FXR1: variants seen among roughly 807,000 people sequenced by gnomAD.
The protein encoded by FXR1 is FMR1 autosomal homolog 1.
A neutral mutation model predicts 84.0 loss-of-function variants in FXR1; 15 were observed. That is an observed-to-expected ratio of 0.18 (90% CI 0.12 to 0.27). The LOEUF is 0.27. FXR1 is among the 10% of genes least tolerant of loss of function. FXR1 has a pLI of 1.00. For missense variants in FXR1, 480 were observed against 774.4 expected (o/e 0.62, Z 4.51); for synonymous variants, 245 against 250.7 (o/e 0.98, Z 0.21).
rs1197200401 is a variant in FXR1 at position 180,978,916 on chromosome 3, A to G, written c.*2624A>G. On this transcript the variant is annotated 3_prime_UTR_variant, in exon 17 of 17. Coordinates refer to ENST00000357559, the MANE Select transcript of FXR1 (RefSeq NM_005087.4). ...TTGTTAAGCCTTAAAGGGGGCTACA[A>G]CTTGTGCAAAATGGTGTCTCTGGTA... 6.6e-6 allele frequency: 1 copy of G among 152,114 alleles called. No homozygotes were observed. The highest frequency in any genetic ancestry group is 2.4e-5 in the African/African-American group (1 of 41,436). The allele number at this position is 152,114 out of a possible 1,614,324, so 9.4% of individuals were successfully genotyped here.
At chr3:180,955,766 AG>A (rs1343260371) in intron 9 of FXR1, among the ~76,000 whole-genome samples, 1 of 152,216 alleles carries the variant, frequency 6.6e-6, no homozygotes, top group African/African-American at 2.4e-5. Flanking sequence ...GAGTTGTGGT[AG>A]GTGTTGTGAG....
chr3:180,942,008 T>C (rs1721177378), intron 3 of FXR1, among the ~76,000 whole-genome samples: 1 of 152,056 alleles, frequency 6.6e-6, no homozygotes, highest in Admixed American at 6.6e-5. Flanking sequence ...TTTGGAAAAA[T>C]GGAAATATAG....
At chr3:180,920,517 C>CTTTTTT (rs11359852) in intron 1 of FXR1, among the ~76,000 whole-genome samples, 2 of 127,378 alleles carry the variant, frequency 1.6e-5, no homozygotes. Flanking sequence ...TAGTTTTGTT[C>CTTTTTT]TTTTTTTTTT....
At position 180,971,364 on chromosome 3, in the gene FXR1, T is replaced by A. The variant is rs549197496; in HGVS notation, c.1603+1006T>A. On this transcript the variant is annotated intron_variant, in intron 15 of 16. Transcript: ENST00000357559. ...ACAGTGTGTTAGTAACTTGTCTAAT[T>A]GAACTAATGTTGTGTCCTAATTGTT... is the stretch of plus-strand genomic sequence containing the variant. The A allele has an allele frequency of 2.4e-5, 4 of 166,214 alleles. No individual in the cohort carries two copies. The South Asian group carries it at 5.3e-4, about 22-fold the overall frequency. The allele number at this position is 166,214 out of a possible 1,614,324, so 10.3% of individuals were successfully genotyped here. A position where few individuals can be genotyped will look rare whatever the true frequency, so the allele number is the denominator to read the frequency against.
intron 3 of FXR1, among the ~76,000 whole-genome samples, chr3:180,945,670 A>G (rs927878345): frequency 6.6e-6 from 1 of 152,186 alleles, no homozygotes; most frequent in African/African-American, 2.4e-5. Context: ...TTGGCTCCCC[A>G]AAGTTTTGGG....
At chr3:180,962,805 G>A (rs138634925) in intron 11 of FXR1, 78 bp from the exon 12 acceptor site, 3 of 929,426 alleles carry the variant, frequency 3.2e-6, no homozygotes, top group African/African-American at 1.6e-5. Flanking sequence ...TTGATAGGGA[G>A]TACAGCTTTA....
At chr3:180,915,244 G>A (rs982557922) in intron 1 of FXR1, among the ~76,000 whole-genome samples, 1 of 151,914 alleles carries the variant, frequency 6.6e-6, no homozygotes, top group Non-Finnish European at 1.5e-5. Context: ...CTTGATAAAT[G>A]CTGACAATTA....
At chr3:180,922,351 C>T (rs1053029539) in intron 1 of FXR1, among the ~76,000 whole-genome samples, 1 of 152,028 alleles carries the variant, frequency 6.6e-6, no homozygotes, top group African/African-American at 2.4e-5. Context: ...TAATTTTTGC[C>T]AGTCTGTTGG....
intron 9 of FXR1, 176 bp downstream of exon 9, chr3:180,954,016 T>C (rs1347215764): frequency 3.2e-5 from 17 of 538,502 alleles, no homozygotes; most frequent in Non-Finnish European, 3.9e-5. Context: ...TAACTTGTTA[T>C]TGTCATATGT....
At chr3:180,953,519 T>C (rs1362858625) in intron 8 of FXR1, among the ~76,000 whole-genome samples, 2 of 152,318 alleles carry the variant, frequency 1.3e-5, no homozygotes, top group East Asian at 3.9e-4. Flanking sequence ...CTTAAAGATT[T>C]TAGAGATGTT....
At position 180,935,188 on chromosome 3, in the gene FXR1, C is replaced by T. The variant is rs1381183518; in HGVS notation, c.155C>T (p.Pro52Leu). 6.3e-7 allele frequency: 1 copy of T among 1,578,982 alleles called. No individual in the cohort carries two copies. Among genetic ancestry groups the T allele is most frequent in the Non-Finnish European group, 8.7e-7 (1 of 1,148,478 alleles). The part of the protein sequence containing the change: ...VPFNEVRLPP[P>L]PDIKKEISEG... ...TTTAATGAAGTTAGATTACCACCACCACCTGATATAAAAAAAGAAATTAGT... is the reference window on the plus strand; with the variant it reads ...TTTAATGAAGTTAGATTACCACCACTACCTGATATAAAAAAAGAAATTAGT... Residue 52 changes from proline to leucine, a missense_variant, in exon 3 of 17, where the codon CCA (proline) becomes CTA (leucine). By Grantham distance (98) the Pro-to-Leu change is moderately conservative (BLOSUM62 -3). Around this residue, in one of 6 missense-constraint regions of FXR1, gnomAD observed 54 missense variants for 74.2 expected, o/e 0.73. Coordinates refer to ENST00000357559, the MANE Select transcript of FXR1 (RefSeq NM_005087.4).
chr3:180,932,075 CAAAAA>C (rs4042648), intron 1 of FXR1, among the ~76,000 whole-genome samples: 15 of 79,162 alleles, frequency 1.9e-4, no homozygotes, highest in Non-Finnish European at 2.8e-4. Flanking sequence ...TTGTAAGTTT[CAAAAA>C]AAAAAAAAAA....
chr3:180,952,848 T>A (rs1423418679), intron 8 of FXR1, among the ~76,000 whole-genome samples: 7 of 133,454 alleles, frequency 5.2e-5, no homozygotes, highest in East Asian at 2.1e-4. Context: ...TTTTTTTTTT[T>A]AAAGAGACAG....
rs79120577 is a variant in FXR1 at position 180,939,559 on chromosome 3, A to T, written c.198+4328A>T. On this transcript the variant is annotated intron_variant, in intron 3 of 16. Coordinates refer to ENST00000357559, the MANE Select transcript of FXR1 (RefSeq NM_005087.4). Reference sequence around the variant, plus strand: ...TCCATGACTTCTTTGAGCATGCCACATTTCCAGCCCATCAATAGATTCACC... The same window carrying T: ...TCCATGACTTCTTTGAGCATGCCACTTTTCCAGCCCATCAATAGATTCACC... Among the ~76,000 whole-genome samples, 73 of 152,252 alleles carry T rather than the reference A, an allele frequency of 4.8e-4. 1 individual carries two copies. The East Asian group carries it at 0.01, about 21-fold the overall frequency.
Position 180,912,743 on chromosome 3 carries a change from A to C in FXR1, c.51+7A>C. The C allele has an allele frequency of 6.2e-7, 1 of 1,613,724 alleles. No individual in the cohort carries two copies. The highest frequency in any genetic ancestry group is 1.1e-5 in the South Asian group (1 of 91,062). ...TAACGGGGCTTTCTACAAGGTACTGACCGTTTTGCCACTTTGTCGAGTGTT... is the reference window on the plus strand; with the variant it reads ...TAACGGGGCTTTCTACAAGGTACTGCCCGTTTTGCCACTTTGTCGAGTGTT... On this transcript the variant is annotated splice_region_variant and intron_variant, in intron 1 of 16. Coordinates refer to ENST00000357559, the MANE Select transcript of FXR1 (RefSeq NM_005087.4).
chr3:180,969,753 A>G (rs1713298615), intron 14 of FXR1, among the ~76,000 whole-genome samples: 1 of 152,144 alleles, frequency 6.6e-6, no homozygotes, highest in East Asian at 1.9e-4. Context: ...AGGGGATGAA[A>G]GCTCGCTCTT....
chr3:180,935,262 C>G (rs1403365678), intron 3 of FXR1, 31 bp downstream of exon 3: 4 of 966,088 alleles, frequency 4.1e-6, no homozygotes, highest in Non-Finnish European at 6.6e-6. Context: ...TTTCTTGTGT[C>G]TATTTTTTTG....
intron 1 of FXR1, among the ~76,000 whole-genome samples, chr3:180,920,768 C>T (rs1427721407): frequency 1.3e-5 from 2 of 152,146 alleles, no homozygotes; most frequent in African/African-American, 2.4e-5. Flanking sequence ...GCCTCAGCCT[C>T]CCAAAGTGCT....
At chr3:180,917,624 C>T (rs1407240084) in intron 1 of FXR1, among the ~76,000 whole-genome samples, 1 of 152,104 alleles carries the variant, frequency 6.6e-6, no homozygotes, top group African/African-American at 2.4e-5. Flanking sequence ...ATTTTCTACT[C>T]TATCTTGCTG....
Sources: allele counts gnomAD v4.1 joint callset (sites outside exome capture counted in the v4.1 genomes callset), GRCh38; gene constraint gnomAD v4.1.1; regional missense constraint gnomAD v4.1.1; transcripts MANE v1.5; gene names NCBI Gene and HGNC (gene_info 2026-07-23, HGNC 2026-07-21).